Variants in NELL2 observed in about 807,000 individuals in gnomAD.
NELL2 encodes the protein neural EGFL like 2, also known as protein kinase C-binding protein NELL2.
In NELL2, 41 loss-of-function variants were observed where a neutral mutation model predicts 109.6. The observed-to-expected ratio is 0.37, with a 90% CI of 0.29 to 0.49. The LOEUF (loss-of-function observed/expected upper bound fraction) is 0.49. Ranked by LOEUF, NELL2 falls within the 20% of genes least tolerant of loss-of-function variation. The pLI, the probability that NELL2 is intolerant of heterozygous loss-of-function variation, is 0.98. For synonymous variants in NELL2, 355 were observed against 344.7 expected, an observed-to-expected ratio of 1.03 and a Z score of -0.33; for missense variants, 900 against 1,008.3, an observed-to-expected ratio of 0.89 and a Z score of 1.45.
At chr12:44,871,746 C>T (rs1268379918) in intron 2 of NELL2, among the ~76,000 whole-genome samples, 2 of 152,166 alleles carry the variant, frequency 1.3e-5, no homozygotes, top group Non-Finnish European at 2.9e-5. Flanking sequence ...TTTCACTCTG[C>T]GTAACACTGG....
intron 15 of NELL2, among the ~76,000 whole-genome samples, chr12:44,603,643 G>A (rs1229118098): frequency 2.6e-5 from 4 of 152,150 alleles, no homozygotes; most frequent in East Asian, 3.9e-4. Context: ...CTGTACATGC[G>A]GGTGATTTTA....
intron 12 of NELL2, among the ~76,000 whole-genome samples, chr12:44,695,838 G>T (rs1949046693): frequency 6.6e-6 from 1 of 152,000 alleles, no homozygotes; most frequent in African/African-American, 2.4e-5. Context: ...AAATAAATTA[G>T]CCAGGCATGG....
intron 15 of NELL2, among the ~76,000 whole-genome samples, chr12:44,594,073 C>CG (rs1306239151): frequency 1.5e-4 from 22 of 145,708 alleles, no homozygotes; most frequent in South Asian, 4.3e-4. Flanking sequence ...ATTTATGTGG[C>CG]GGGGGGGAGT....
chr12:44,764,001 T>G (rs917645449), intron 9 of NELL2, among the ~76,000 whole-genome samples: 12 of 152,174 alleles, frequency 7.9e-5, no homozygotes, highest in African/African-American at 2.7e-4. Flanking sequence ...AAAACTATTT[T>G]ATGGGACTAC....
intron 13 of NELL2, among the ~76,000 whole-genome samples, chr12:44,654,954 G>A (rs1484030310): frequency 2.0e-5 from 3 of 152,146 alleles, no homozygotes; most frequent in African/African-American, 4.8e-5. Flanking sequence ...ATCAAGAAAG[G>A]AAATGAAAGG....
chr12:44,890,999 G>A (rs1395274397), intron 1 of NELL2, among the ~76,000 whole-genome samples: 4 of 152,148 alleles, frequency 2.6e-5, no homozygotes, highest in Admixed American at 2.6e-4. Context: ...CCAAGTTCTA[G>A]GACTACAGGC....
At chr12:44,829,870 G>T (rs12312608) in intron 2 of NELL2, among the ~76,000 whole-genome samples, 3 of 152,090 alleles carry the variant, frequency 2.0e-5, no homozygotes, top group Non-Finnish European at 4.4e-5. Context: ...GTGCAAAAGA[G>T]AAATGTTTAT....
At chr12:44,854,479 T>C (rs1446246259) in intron 2 of NELL2, among the ~76,000 whole-genome samples, 1 of 151,982 alleles carries the variant, frequency 6.6e-6, no homozygotes, top group Non-Finnish European at 1.5e-5. Flanking sequence ...ACATCAGGGG[T>C]TACAAGAAAA....
At chr12:44,655,751 A>G (rs1174954738) in intron 13 of NELL2, among the ~76,000 whole-genome samples, 1 of 152,028 alleles carries the variant, frequency 6.6e-6, no homozygotes, top group African/African-American at 2.4e-5. Context: ...CTGGTATTTT[A>G]ATTTGCTTTT....
Position 44,776,041 on chromosome 12 carries a change from C to G in NELL2, c.872G>C (p.Cys291Ser), listed in dbSNP as rs752599520. Residue 291 changes from cysteine (C) to serine (S), a missense_variant, in exon 8 of 20, where the codon TGT becomes TCT. Cys to Ser is a moderately radical substitution (Grantham distance 112). Coordinates refer to ENST00000429094, the MANE Select transcript of NELL2 (RefSeq NM_001145108.2). ...YREFESWIDG[C>S]KNCTCLNGTI... The stretch of plus-strand genomic sequence containing the variant: ...CCATACCAGGCATGTGCAGTTCTTA[C>G]AGCCGTCTATCCAGGACTCAAATTC... 3 of 1,613,902 alleles carry G rather than the reference C, an allele frequency of 1.9e-6. No homozygotes were observed. Among genetic ancestry groups the G allele is most frequent in the Non-Finnish European group, 2.5e-6 (3 of 1,179,896 alleles).
At chr12:44,720,780 C>A (rs1938727979) in intron 9 of NELL2, among the ~76,000 whole-genome samples, 1 of 152,122 alleles carries the variant, frequency 6.6e-6, no homozygotes, top group South Asian at 2.1e-4. Context: ...TAGTTGTTTG[C>A]CAAACTAATA....
At chr12:44,654,323 TCTAA>T (rs1252443617) in intron 13 of NELL2, among the ~76,000 whole-genome samples, 11 of 152,336 alleles carry the variant, frequency 7.2e-5, no homozygotes, top group East Asian at 1.9e-4. Flanking sequence ...TTTTTACTAC[TCTAA>T]CTCTCTCTAC....
chr12:44,869,917 T>C (rs1389866934), intron 2 of NELL2, among the ~76,000 whole-genome samples: 1 of 152,156 alleles, frequency 6.6e-6, no homozygotes, highest in Non-Finnish European at 1.5e-5. Context: ...TCTCTCTCTC[T>C]CCTCTCACGT....
At chr12:44,598,606 T>C (rs1592182161) in intron 15 of NELL2, among the ~76,000 whole-genome samples, 1 of 152,122 alleles carries the variant, frequency 6.6e-6, no homozygotes, top group Admixed American at 6.5e-5. Flanking sequence ...ATTCCAGCAA[T>C]ACTGAGACCT....
At chr12:44,728,224 T>C (rs1753206237) in intron 9 of NELL2, among the ~76,000 whole-genome samples, 1 of 152,224 alleles carries the variant, frequency 6.6e-6, no homozygotes, top group African/African-American at 2.4e-5. Flanking sequence ...TGAACAAAGT[T>C]GGAATATCAA....
intron 9 of NELL2, among the ~76,000 whole-genome samples, chr12:44,754,539 A>C (rs546147039): frequency 1.3e-5 from 2 of 152,320 alleles, no homozygotes; most frequent in East Asian, 3.9e-4. Flanking sequence ...AAGTTTCATT[A>C]GTTTTAACCT....
At chr12:44,732,965 T>C (rs542439152) in intron 9 of NELL2, among the ~76,000 whole-genome samples, 1 of 152,004 alleles carries the variant, frequency 6.6e-6, no homozygotes, top group South Asian at 2.1e-4. Context: ...CATCACTAAT[T>C]ATCAGAAAAA....
chr12:44,858,875 T>A (rs1022659014), intron 2 of NELL2, among the ~76,000 whole-genome samples: 1 of 152,172 alleles, frequency 6.6e-6, no homozygotes, highest in African/African-American at 2.4e-5. Context: ...TTAACCAGAA[T>A]GATAAGTACT....
intron 5 of NELL2, among the ~76,000 whole-genome samples, chr12:44,777,596 G>A (rs1941804954): frequency 6.6e-6 from 1 of 152,102 alleles, no homozygotes. Context: ...GTTTTGAGAA[G>A]TTATTTTTAG....
Sources: gnomAD v4.1 joint callset for allele counts (sites outside exome capture counted in the v4.1 genomes callset) on GRCh38, gnomAD v4.1.1 for gene constraint, MANE v1.5 for transcripts, NCBI Gene and HGNC (gene_info 2026-07-23, HGNC 2026-07-21) for gene names.